The following MRPL4 variants were observed in gnomAD, a reference collection of about 807,000 sequenced individuals.
The protein encoded by MRPL4 is large ribosomal subunit protein uL4m.
In MRPL4, 34 loss-of-function variants were observed where a neutral mutation model predicts 34.1. That is an observed-to-expected ratio of 1.00 (90% confidence interval 0.76 to 1.33). The LOEUF is 1.33. MRPL4 is among the 40% of genes most tolerant of loss of function. MRPL4 has a pLI of 0.00. For missense variants in MRPL4, 402 were observed against 434.6 expected (o/e 0.92, Z 0.67); for synonymous variants, 196 against 188.3 (o/e 1.04, Z -0.33).
rs1282909508 is a variant in MRPL4 at position 10,258,466 on chromosome 19, C to T, written c.606C>T (p.Tyr202=). The part of the protein sequence containing the change: ...SLELPTGDPQ[Y]LTELAHYRRW... Reference sequence around the variant, plus strand: ...AGCTGCCCACCGGAGACCCACAGTACCTGACAGAGCTGGCGCACTACCGCC... The same window carrying T: ...AGCTGCCCACCGGAGACCCACAGTATCTGACAGAGCTGGCGCACTACCGCC... The change falls in exon 7 of 9, where the codon TAC becomes TAT. Residue 202 remains tyrosine, a synonymous_variant. Coordinates refer to ENST00000253099, the MANE Select transcript of MRPL4 (RefSeq NM_015956.3). The T allele has an allele frequency of 1.2e-6, 2 of 1,614,086 alleles. No homozygotes were observed. The highest frequency in any genetic ancestry group is 4.5e-5 in the East Asian group (2 of 44,874).
In MRPL4 at chr19:10,259,517, C is replaced by T. The variant is rs561978707; in HGVS notation, c.740-100C>T. The T allele has an allele frequency of 2.6e-5, 40 of 1,512,326 alleles. No homozygotes were observed. The East Asian group carries it at 8.6e-4, about 33-fold the overall frequency. The allele number at this position is 1,512,326 out of a possible 1,614,324, so 93.7% of individuals were successfully genotyped here. ...ACAAAGTCACACTAGACCACAGTGA[C>T]GATCTCTGTAAGCACAAAGGGACTC... On this transcript the variant is annotated intron_variant, in intron 8 of 8. Transcript: ENST00000253099.
rs753362777 is a variant in MRPL4 at position 10,254,567 on chromosome 19, CAT to C, written c.276-21_276-20del. The C allele has an allele frequency of 6.2e-7, 1 of 1,613,180 alleles. No individual in the cohort carries two copies. Among genetic ancestry groups the C allele is most frequent in the Admixed American group, 1.7e-5 (1 of 59,968 alleles). ...GCGTTTGAAGCAGAGTTGGGCTTCT[CAT>C]GTGTCCTTCCTCCCCGCAGGCTGGA... On this transcript the variant is annotated intron_variant, in intron 3 of 8. Transcript: ENST00000253099.
At chr19:10,259,029 G>A (rs2039880898) in intron 8 of MRPL4, 2 of 1,391,912 alleles carry the variant, frequency 1.4e-6, no homozygotes, top group Admixed American at 3.2e-5. Flanking sequence ...AGCTCAGGGG[G>A]CCAAGGCTGC....
In MRPL4 at chr19:10,256,690, T is replaced by C. The variant is rs746303520; in HGVS notation, c.328-18T>C. The C allele has an allele frequency of 2.4e-5, 38 of 1,608,426 alleles. 1 individual carries two copies. In the East Asian group the frequency reaches 5.2e-4, roughly 22 times the overall value. On this transcript the variant is annotated intron_variant, in intron 4 of 8. Coordinates refer to ENST00000253099, the MANE Select transcript of MRPL4 (RefSeq NM_015956.3). ...ACCTGCCTCGTGGACCTGACCCCCC[T>C]CCTCTTTGTGCCTCCAGAGCTATGC...
chr19:10,252,568 C>T lies in MRPL4; in HGVS notation c.142C>T (p.Leu48=), dbSNP rs1424841622. 3 of 1,613,128 alleles carry T rather than the reference C, an allele frequency of 1.9e-6. No homozygotes were observed. The highest frequency in any genetic ancestry group is 2.2e-5 in the South Asian group (2 of 91,058). The change falls in exon 3 of 9, where the codon CTG becomes TTG. Residue 48 remains leucine, a synonymous_variant. Transcript: ENST00000253099. Reference sequence around the variant, plus strand: ...CGCTCCAGGTCTCCCGGAGCCCGTGCTGCGCAAAGTCGAGCTCCCGGTACC... The same window carrying T: ...CGCTCCAGGTCTCCCGGAGCCCGTGTTGCGCAAAGTCGAGCTCCCGGTACC... ...VASEGLPEPV[L]RKVELPVPTH...
intron 8 of MRPL4, 59 bp downstream of exon 8, chr19:10,258,744 C>T (rs1300048539): frequency 8.7e-6 from 14 of 1,613,604 alleles, no homozygotes; most frequent in Non-Finnish European, 1.2e-5. Context: ...GTTAGAATCA[C>T]AGCGGTTCAA....
chr19:10,259,291 C>T, intron 8 of MRPL4: 1 of 1,380,244 alleles, frequency 7.2e-7, no homozygotes. Flanking sequence ...TCAGGCCCTG[C>T]ACGATGTGCC....
At chr19:10,254,416 G>A (rs2039828979) in intron 3 of MRPL4, among the ~76,000 whole-genome samples, 173 bp from the exon 4 acceptor site, 1 of 152,210 alleles carries the variant, frequency 6.6e-6, no homozygotes, top group African/African-American at 2.4e-5. Context: ...TTCAGGCAGA[G>A]GGAACAGCAA....
In MRPL4 at chr19:10,259,786, C is replaced by T. The variant is rs370743925; in HGVS notation, c.909C>T (p.Gly303=). 33 of 1,613,164 alleles carry T rather than the reference C, an allele frequency of 2.0e-5. No individual in the cohort carries two copies. Among genetic ancestry groups the T allele is most frequent in the Admixed American group, 5.0e-5 (3 of 59,910 alleles). Residue 303 remains glycine, a synonymous_variant, in exon 9 of 9, where the codon GGC becomes GGT. Transcript: ENST00000253099. ...FPRPLPHATQ[G]PAATPYHC is the part of the protein sequence containing the mutation. ...GACCCCTACCCCACGCTACCCAGGG[C>T]CCAGCGGCCACCCCGTACCACTGTT... is the stretch of plus-strand genomic sequence containing the variant.
chr19:10,256,786 G>T lies in MRPL4; in HGVS notation c.406G>T (p.Ala136Ser). ...KPWPQKGTGR[A>S]RHGSIRSPLW... ...TTGGCCGCAGAAAGGCACTGGGCGGGCCCGGCATGGCAGCATCCGCTCTCC... is the reference window on the plus strand; with the variant it reads ...TTGGCCGCAGAAAGGCACTGGGCGGTCCCGGCATGGCAGCATCCGCTCTCC... The change falls in exon 5 of 9, where the codon GCC (alanine) becomes TCC (serine). Residue 136 changes from alanine (A) to serine (S), a missense_variant. Coordinates refer to ENST00000253099, the MANE Select transcript of MRPL4 (RefSeq NM_015956.3). 1 of 1,510,094 alleles carries T rather than the reference G, an allele frequency of 6.6e-7. No individual in the cohort carries two copies. Among genetic ancestry groups the T allele is most frequent in the Admixed American group, 1.9e-5 (1 of 52,116 alleles). The allele number at this position is 1,510,094 out of a possible 1,614,324, so 93.5% of individuals were successfully genotyped here. A position where few individuals can be genotyped will look rare whatever the true frequency, so the allele number is the denominator to read the frequency against.
Position 10,259,779 on chromosome 19 carries a change from C to G in MRPL4, c.902C>G (p.Thr301Ser), listed in dbSNP as rs897625511. ...TTCCCCCGACCCCTACCCCACGCTACCCAGGGCCCAGCGGCCACCCCGTAC... is the reference window on the plus strand; with the variant it reads ...TTCCCCCGACCCCTACCCCACGCTAGCCAGGGCCCAGCGGCCACCCCGTAC... ...SDFPRPLPHA[T>S]QGPAATPYHC is the part of the protein sequence containing the mutation. The change falls in exon 9 of 9, where the codon ACC becomes AGC. Residue 301 changes from threonine to serine, a missense_variant. Thr to Ser is a moderately conservative substitution (Grantham distance 58). Coordinates refer to ENST00000253099, the MANE Select transcript of MRPL4 (RefSeq NM_015956.3). The G allele has an allele frequency of 9.9e-6, 16 of 1,613,514 alleles. No individual in the cohort carries two copies. The highest frequency in any genetic ancestry group is 1.4e-5 in the Non-Finnish European group (16 of 1,179,628).
At chr19:10,256,580 CTG>C in intron 4 of MRPL4, 126 bp from the exon 5 acceptor site, 1 of 713,108 alleles carries the variant, frequency 1.4e-6, no homozygotes, top group East Asian at 2.9e-5. Flanking sequence ...CCCAAGTACT[CTG>C]TGCTTGGCCA....
At chr19:10,259,098 CAAAAAAA>C (rs35481360) in intron 8 of MRPL4, 365 of 539,170 alleles carry the variant, frequency 6.8e-4, no homozygotes, top group Admixed American at 1.9e-3. Context: ...ACTCTTGTCT[CAAAAAAA>C]AAAAAAAAAA....
chr19:10,256,974 C>G (rs1201510856), intron 5 of MRPL4, 149 bp downstream of exon 5: 1 of 613,440 alleles, frequency 1.6e-6, no homozygotes, highest in Non-Finnish European at 2.6e-6. Flanking sequence ...CTGGTGACAT[C>G]GGAACTGAGG....
chr19:10,254,382 A>G (rs1439930362), intron 3 of MRPL4, among the ~76,000 whole-genome samples: 1 of 152,222 alleles, frequency 6.6e-6, no homozygotes, highest in African/African-American at 2.4e-5. Context: ...TAGGCTGAGA[A>G]AGAACCATCC....
intron 4 of MRPL4, among the ~76,000 whole-genome samples, chr19:10,255,962 G>A (rs982587179): frequency 4.6e-5 from 7 of 151,994 alleles, no homozygotes; most frequent in Non-Finnish European, 8.8e-5. Context: ...CCTAGTCAAC[G>A]TGGCAAAACC....
At chr19:10,253,952 A>G (rs568023192) in intron 3 of MRPL4, among the ~76,000 whole-genome samples, 2 of 152,300 alleles carry the variant, frequency 1.3e-5, no homozygotes, top group East Asian at 3.9e-4. Flanking sequence ...CAGTCCCTGA[A>G]GAAGGTGGCA....
At position 10,258,606 on chromosome 19, in the gene MRPL4, C is replaced by T; in HGVS notation, c.663-3C>T. Reference sequence around the variant, plus strand: ...AACCCCCACTCCCTGGCCTCTCTTACAGAACACACGAGGAGATGCCACAGA... The same window carrying T: ...AACCCCCACTCCCTGGCCTCTCTTATAGAACACACGAGGAGATGCCACAGA... On this transcript the variant is annotated splice_polypyrimidine_tract_variant and splice_region_variant and intron_variant, in intron 7 of 8. Coordinates refer to ENST00000253099, the MANE Select transcript of MRPL4 (RefSeq NM_015956.3). 4 of 1,614,174 alleles carry T rather than the reference C, an allele frequency of 2.5e-6. No individual in the cohort carries two copies. The highest frequency in any genetic ancestry group is 3.4e-6 in the Non-Finnish European group (4 of 1,180,038).
chr19:10,256,561 C>T (rs2145470861), intron 4 of MRPL4, 147 bp from the exon 5 acceptor site: 1 of 624,016 alleles, frequency 1.6e-6, no homozygotes, highest in Non-Finnish European at 2.8e-6. Context: ...TTTACCCTCC[C>T]CCTCGCTCCC....
Sources: gnomAD v4.1 joint callset for allele counts (sites outside exome capture counted in the v4.1 genomes callset) on GRCh38, gnomAD v4.1.1 for gene constraint, MANE v1.5 for transcripts, NCBI Gene and HGNC (gene_info 2026-07-23, HGNC 2026-07-21) for gene names.